Variants in CEP97 observed in about 807,000 individuals in gnomAD.
The protein encoded by CEP97 is centrosomal protein 97.
A neutral mutation model predicts 73.1 loss-of-function variants in CEP97; 43 were observed. The ratio of observed to expected loss-of-function variants is 0.59; its 90% confidence interval spans 0.46 to 0.76. CEP97 has a LOEUF of 0.76. Among genes scored for constraint, CEP97 ranks in the 30% least tolerant of loss-of-function variants. The pLI, the probability that CEP97 is intolerant of heterozygous loss-of-function variation, is 0.00. For missense variants in CEP97, 939 were observed against 1,014.0 expected (o/e 0.93, Z 1.00); for synonymous variants, 337 against 370.0 (o/e 0.91, Z 1.02).
chr3:101,725,747 C>T (rs1021793847), intron 1 of CEP97, among the ~76,000 whole-genome samples: 1 of 152,182 alleles, frequency 6.6e-6, no homozygotes, highest in Non-Finnish European at 1.5e-5. Flanking sequence ...TGGCCCCGCC[C>T]TCTTTGGAGA....
intron 6 of CEP97, among the ~76,000 whole-genome samples, chr3:101,753,216 G>A (rs959517532): frequency 3.3e-5 from 5 of 152,140 alleles, no homozygotes; most frequent in African/African-American, 7.2e-5. Flanking sequence ...ACAGATTTTC[G>A]TGAACTGGGA....
intron 9 of CEP97, among the ~76,000 whole-genome samples, chr3:101,760,296 A>G (rs1390335024): frequency 1.3e-5 from 2 of 152,144 alleles, no homozygotes; most frequent in African/African-American, 4.8e-5. Flanking sequence ...AGTTATCTTA[A>G]ACATGACCTT....
chr3:101,752,254 C>G (rs528707036), intron 6 of CEP97, among the ~76,000 whole-genome samples: 2 of 152,098 alleles, frequency 1.3e-5, no homozygotes, highest in Admixed American at 1.3e-4. Context: ...GAGTTTCTGC[C>G]GAGAGATCCG....
intron 9 of CEP97, chr3:101,759,287 G>A (rs2107187446): frequency 6.6e-6 from 1 of 152,344 alleles, no homozygotes; most frequent in Admixed American, 6.5e-5. Flanking sequence ...GGAGACATGA[G>A]GTGCAAGCTT....
intron 9 of CEP97, 181 bp downstream of exon 9, chr3:101,758,604 A>G (rs1402522789): frequency 2.3e-5 from 15 of 645,728 alleles, no homozygotes; most frequent in Non-Finnish European, 1.3e-5. Flanking sequence ...TATCTGCTCT[A>G]TCTCCTCATC....
chr3:101,753,526 G>GC (rs1938905115), intron 6 of CEP97, among the ~76,000 whole-genome samples: 1 of 152,236 alleles, frequency 6.6e-6, no homozygotes, highest in South Asian at 2.1e-4. Context: ...ACAGAGGCAG[G>GC]CAGGCCTCCT....
In CEP97 at chr3:101,755,563, G is replaced by A. The variant is rs754536956; in HGVS notation, c.862G>A (p.Ala288Thr). Reference sequence around the variant, plus strand: ...ACTAGGTCTTCAAACTGCAGAGGATGCCAAACTAGAGAAGATTTTGAGCAA... The same window carrying A: ...ACTAGGTCTTCAAACTGCAGAGGATACCAAACTAGAGAAGATTTTGAGCAA... Reference protein sequence around the residue: ...STLGLQTAEDAKLEKILSKQR... With the variant: ...STLGLQTAEDTKLEKILSKQR... The change falls in exon 7 of 11, where the codon GCC becomes ACC. Residue 288 changes from alanine (A) to threonine (T), a missense_variant. Coordinates refer to ENST00000341893, the MANE Select transcript of CEP97 (RefSeq NM_024548.4). The A allele has an allele frequency of 2.5e-6, 4 of 1,614,162 alleles. No individual in the cohort carries two copies. The South Asian group carries it at 4.4e-5, about 18-fold the overall frequency.
chr3:101,768,062 A>AG lies in CEP97; in HGVS notation c.*2512dup, dbSNP rs1939362627. 6.6e-6 allele frequency: 1 copy of AG among 152,176 alleles called. No individual in the cohort carries two copies. The highest frequency in any genetic ancestry group is 2.1e-4 in the South Asian group (1 of 4,828). 9.4% of individuals were successfully genotyped at this position (152,176 alleles called of 1,614,324 possible). On this transcript the variant is annotated 3_prime_UTR_variant, in exon 11 of 11. Transcript: ENST00000341893. ...TTTTTTTCCTAACAAGGAAAGGTTTAGTTCAGCTGTGCTATTTTAGTACAC... is the reference window on the plus strand; with the variant it reads ...TTTTTTTCCTAACAAGGAAAGGTTTAGGTTCAGCTGTGCTATTTTAGTACAC...
At chr3:101,748,966 T>A (rs979652888) in intron 6 of CEP97, among the ~76,000 whole-genome samples, 8 of 152,178 alleles carry the variant, frequency 5.3e-5, no homozygotes, top group East Asian at 1.9e-4. Flanking sequence ...CTAATTATCT[T>A]TATTAAATAA....
chr3:101,757,825 C>G lies in CEP97; in HGVS notation c.1219C>G (p.Pro407Ala). 6.2e-7 allele frequency: 1 copy of G among 1,614,234 alleles called. No homozygotes were observed. The highest frequency in any genetic ancestry group is 8.5e-7 in the Non-Finnish European group (1 of 1,180,044). ...SLLSSESTFM[P>A]VASGLSPLSP... ...TCTCTCTTCAGAGTCTACTTTTATG[C>G]CAGTTGCATCAGGACTGTCTCCACT... The change falls in exon 9 of 11, where the codon CCA (proline) becomes GCA (alanine). Residue 407 changes from proline to alanine, a missense_variant. Physicochemically the swap from Pro to Ala is conservative, Grantham distance 27. Coordinates refer to ENST00000341893, the MANE Select transcript of CEP97 (RefSeq NM_024548.4).
intron 6 of CEP97, among the ~76,000 whole-genome samples, chr3:101,743,486 C>G (rs1403860382): frequency 6.6e-6 from 1 of 152,044 alleles, no homozygotes; most frequent in Non-Finnish European, 1.5e-5. Flanking sequence ...ACCTCCGCCT[C>G]CTACGCTGAA....
In CEP97 at chr3:101,727,104, C is replaced by T. The variant is rs367867467; in HGVS notation, c.187-279C>T. ...TGACTGAGAGTTTAACAGCACTATTCTTGTGGAACTTACATTCTCAAGTTG... is the reference window on the plus strand; with the variant it reads ...TGACTGAGAGTTTAACAGCACTATTTTTGTGGAACTTACATTCTCAAGTTG... On this transcript the variant is annotated intron_variant, in intron 2 of 10. Coordinates refer to ENST00000341893, the MANE Select transcript of CEP97 (RefSeq NM_024548.4). Among the ~76,000 whole-genome samples the T allele has an allele frequency of 3.9e-5, 6 of 152,272 alleles. No homozygotes were observed. In the East Asian group the frequency reaches 1.2e-3, roughly 29 times the overall value.
chr3:101,761,154 A>T (rs574270517), intron 9 of CEP97, among the ~76,000 whole-genome samples: 8 of 152,154 alleles, frequency 5.3e-5, no homozygotes, highest in African/African-American at 1.7e-4. Context: ...GGTGTGAGCC[A>T]CTGTGCCCAG....
intron 4 of CEP97, among the ~76,000 whole-genome samples, chr3:101,730,881 T>C (rs1175184192): frequency 6.6e-6 from 1 of 152,180 alleles, no homozygotes; most frequent in African/African-American, 2.4e-5. Context: ...CAATAATTAT[T>C]CTAAACATTT....
At chr3:101,760,926 G>A (rs762065501) in intron 9 of CEP97, among the ~76,000 whole-genome samples, 10 of 151,882 alleles carry the variant, frequency 6.6e-5, no homozygotes, top group African/African-American at 1.4e-4. Flanking sequence ...GCAATGGTGC[G>A]ATCTCAGCTC....
At chr3:101,763,130 C>A in intron 10 of CEP97, 1 of 1,207,930 alleles carries the variant, frequency 8.3e-7, no homozygotes, top group Non-Finnish European at 1.1e-6. Context: ...TGCCATATTG[C>A]CCAGGCCGGT....
rs974955146 is a variant in CEP97 at position 101,768,389 on chromosome 3, A to T, written c.*2838A>T. The T allele has an allele frequency of 2.0e-5, 3 of 152,232 alleles. No individual in the cohort carries two copies. The allele number at this position is 152,232 out of a possible 1,614,324, so 9.4% of individuals were successfully genotyped here. A position where few individuals can be genotyped will look rare whatever the true frequency, so the allele number is the denominator to read the frequency against. ...GCATATTTCTCATTCTCTTTGAAAG[A>T]GGAAAAAAACTTCTAAGAGAGCTAC... On this transcript the variant is annotated 3_prime_UTR_variant, in exon 11 of 11. Coordinates refer to ENST00000341893, the MANE Select transcript of CEP97 (RefSeq NM_024548.4).
intron 6 of CEP97, among the ~76,000 whole-genome samples, chr3:101,744,820 G>C (rs1938565809): frequency 6.6e-6 from 1 of 152,198 alleles, no homozygotes; most frequent in Non-Finnish European, 1.5e-5. Context: ...TCAACATTGA[G>C]AATTGCCCTG....
In CEP97 at chr3:101,765,157, AT is replaced by A. The variant is rs758638500; in HGVS notation, c.2206del (p.Ser736ProfsTer13). ...GGCAGTGAAAGCTCCATAATGGGGAATTCCATTGACACAGTCAGATATGGCA... is the reference window on the plus strand; with the variant it reads ...GGCAGTGAAAGCTCCATAATGGGGAATCCATTGACACAGTCAGATATGGCA... The part of the protein sequence containing the change: ...TEGSESSIMG[N>X]SIDTVRYGKE... On this transcript the variant is annotated frameshift_variant, in exon 11 of 11. Coordinates refer to ENST00000341893, the MANE Select transcript of CEP97 (RefSeq NM_024548.4). LOFTEE classifies it low-confidence loss of function (END_TRUNC). The A allele has an allele frequency of 5.0e-6, 8 of 1,614,130 alleles. No individual in the cohort carries two copies. Among genetic ancestry groups the A allele is most frequent in the Non-Finnish European group, 6.8e-6 (8 of 1,180,052 alleles).
Sources: allele counts gnomAD v4.1 joint callset (sites outside exome capture counted in the v4.1 genomes callset), GRCh38; gene constraint gnomAD v4.1.1; transcripts MANE v1.5; gene names NCBI Gene and HGNC (gene_info 2026-07-23, HGNC 2026-07-21).